WDR19: variants seen among roughly 807,000 people sequenced by gnomAD.
WDR19 encodes WD repeat-containing protein 19.
Under a neutral mutation model 180.0 loss-of-function variants are expected in WDR19, and 121 were observed. The ratio of observed to expected loss-of-function variants is 0.67; its 90% CI spans 0.58 to 0.78. The LOEUF is 0.78. WDR19 is among the 30% of genes least tolerant of loss of function. The pLI is 0.00. For missense variants in WDR19, 1,450 were observed against 1,640.7 expected (o/e 0.88, Z 2.01); for synonymous variants, 497 against 540.7 (o/e 0.92, Z 1.12).
intron 24 of WDR19, among the ~76,000 whole-genome samples, chr4:39,246,055 A>G (rs1732486668): frequency 2.6e-5 from 4 of 152,276 alleles, no homozygotes. Flanking sequence ...GCGCCAGAGG[A>G]GGAAACACAA....
intron 30 of WDR19, 80 bp from the exon 31 acceptor site, chr4:39,269,896 C>T: frequency 6.5e-7 from 1 of 1,530,558 alleles, no homozygotes. Flanking sequence ...TTAACAAAAT[C>T]CACTAGTAAG....
chr4:39,196,840 A>C (rs1726792906), intron 5 of WDR19, among the ~76,000 whole-genome samples: 1 of 152,194 alleles, frequency 6.6e-6, no homozygotes, highest in African/African-American at 2.4e-5. Flanking sequence ...TGTCTGCTCC[A>C]ACCACATTGT....
intron 36 of WDR19, among the ~76,000 whole-genome samples, chr4:39,281,228 T>TAGAGAGAGAGAG (rs1437561762): frequency 8.1e-5 from 8 of 98,782 alleles, no homozygotes; most frequent in African/African-American, 1.6e-4. Context: ...TATATATATA[T>TAGAGAGAGAGAG]ATATATATAG....
intron 24 of WDR19, among the ~76,000 whole-genome samples, chr4:39,249,475 G>A (rs1732906570): frequency 6.6e-6 from 1 of 152,002 alleles, no homozygotes; most frequent in South Asian, 2.1e-4. Flanking sequence ...GCTAGCAGAA[G>A]GCAAGAAATA....
chr4:39,185,791 A>C lies in WDR19; in HGVS notation c.72A>C (p.Thr24=). 1.3e-6 allele frequency: 2 copies of C among 1,557,016 alleles called. No homozygotes were observed. Among genetic ancestry groups the C allele is most frequent in the Non-Finnish European group, 1.7e-6 (2 of 1,149,382 alleles). The part of the protein sequence containing the change: ...GAPIQFAWQK[T]SGNYLAVTGA... ...CAATACAGTTTGCCTGGCAAAAAAC[A>C]TCAGGAAACTACCTTGCAGTAACAG... Residue 24 remains threonine, a synonymous_variant, in exon 2 of 37, where the codon ACA becomes ACC. Coordinates refer to ENST00000399820, the MANE Select transcript of WDR19 (RefSeq NM_025132.4).
At position 39,224,638 on chromosome 4, in the gene WDR19, C is replaced by T. The variant is rs529868207; in HGVS notation, c.1480-246C>T. On this transcript the variant is annotated intron_variant, in intron 14 of 36. Coordinates refer to ENST00000399820, the MANE Select transcript of WDR19 (RefSeq NM_025132.4). ...GTCTCGAATTCCTTACCTTGTGATC[C>T]GCCCGTCGTGGGCTCCCAAAGTGCT... Among the ~76,000 whole-genome samples the T allele has an allele frequency of 1.6e-4, 25 of 152,218 alleles. No individual in the cohort carries two copies. The South Asian group carries it at 5.0e-3, about 30-fold the overall frequency.
chr4:39,217,113 G>A (rs758446476), intron 12 of WDR19, 21 bp from the exon 13 acceptor site: 41 of 1,541,636 alleles, frequency 2.7e-5, no homozygotes, highest in Middle Eastern at 1.7e-4. Context: ...TTAATGTGTT[G>A]GTTTTTAAAA....
At chr4:39,213,535 CAAAG>C (rs1297936343) in intron 9 of WDR19, among the ~76,000 whole-genome samples, 1 of 152,112 alleles carries the variant, frequency 6.6e-6, no homozygotes, top group Non-Finnish European at 1.5e-5. Context: ...ATTATAAAAA[CAAAG>C]AACAGATTAG....
chr4:39,220,806 C>G (rs537484122), intron 14 of WDR19, among the ~76,000 whole-genome samples: 110 of 149,664 alleles, frequency 7.3e-4, no homozygotes, highest in Non-Finnish European at 7.6e-4. Flanking sequence ...CCGTGCCCAG[C>G]TGAAACATTT....
chr4:39,247,543 G>T (rs1732661247), intron 24 of WDR19, among the ~76,000 whole-genome samples: 2 of 152,092 alleles, frequency 1.3e-5, no homozygotes, highest in Admixed American at 6.6e-5. Flanking sequence ...GGCTTCAGAA[G>T]ATCAAACTAC....
At chr4:39,234,967 G>T in intron 20 of WDR19, 92 bp downstream of exon 20, 3 of 699,932 alleles carry the variant, frequency 4.3e-6, no homozygotes, top group Admixed American at 2.9e-5. Flanking sequence ...GCCCTCCATT[G>T]ATTTAATAAT....
intron 28 of WDR19, among the ~76,000 whole-genome samples, chr4:39,265,357 C>T (rs1734685204): frequency 6.6e-6 from 1 of 152,108 alleles, no homozygotes; most frequent in Admixed American, 6.6e-5. Flanking sequence ...TGTAGTCATG[C>T]GCAAGTACAT....
At chr4:39,282,586 T>TG (rs1736659784) in intron 36 of WDR19, among the ~76,000 whole-genome samples, 1 of 152,024 alleles carries the variant, frequency 6.6e-6, no homozygotes, top group Admixed American at 6.6e-5. Context: ...TTATTAGAGA[T>TG]GGGGTTTCAC....
intron 19 of WDR19, among the ~76,000 whole-genome samples, chr4:39,233,984 A>G (rs545887968): frequency 2.0e-5 from 3 of 152,298 alleles, no homozygotes; most frequent in East Asian, 1.9e-4. Flanking sequence ...GCAGAGCCCT[A>G]CTGCCCAGCT....
Position 39,186,599 on chromosome 4 carries a change from A to AG in WDR19, c.159_160insG (p.Pro54AlafsTer3). 2 of 1,577,292 alleles carry AG rather than the reference A, an allele frequency of 1.3e-6. No individual in the cohort carries two copies. The highest frequency in any genetic ancestry group is 3.7e-5 in the Admixed American group (2 of 54,288). ...GTCAAAAAAGAAGTGAAATTAACTT[A>AG]CCTGGGTAAGTACAGAAGTAGATTT... On this transcript the variant is annotated frameshift_variant, in exon 3 of 37. Transcript: ENST00000399820. LOFTEE classifies it high-confidence loss of function.
intron 36 of WDR19, among the ~76,000 whole-genome samples, chr4:39,280,299 T>G (rs564738142): frequency 1.3e-5 from 2 of 152,060 alleles, no homozygotes; most frequent in Non-Finnish European, 2.9e-5. Flanking sequence ...TTTATTTTGA[T>G]GAAGTCCAAT....
intron 19 of WDR19, among the ~76,000 whole-genome samples, chr4:39,234,003 T>C (rs1202025253): frequency 6.6e-6 from 1 of 152,196 alleles, no homozygotes; most frequent in African/African-American, 2.4e-5. Flanking sequence ...CTCTGTCATG[T>C]ACCAGCTGTG....
At chr4:39,281,015 G>T (rs1170742102) in intron 36 of WDR19, among the ~76,000 whole-genome samples, 1 of 151,968 alleles carries the variant, frequency 6.6e-6, no homozygotes, top group Non-Finnish European at 1.5e-5. Flanking sequence ...TTGTCTATTT[G>T]AGATGTAAGT....
In WDR19 at chr4:39,228,506, G is replaced by A. The variant is rs1730517967; in HGVS notation, c.1798G>A (p.Gly600Ser). The change falls in exon 17 of 37, where the codon GGT becomes AGT. Residue 600 changes from glycine to serine, a missense_variant. Physicochemically the swap from Gly to Ser is moderately conservative, Grantham distance 56 (BLOSUM62 0). Coordinates refer to ENST00000399820, the MANE Select transcript of WDR19 (RefSeq NM_025132.4). ...TIQGAKVILA[G>S]STKVPFAHKP... is the part of the protein sequence containing the mutation. The stretch of plus-strand genomic sequence containing the variant: ...TGTAGGAGCCAAGGTTATTTTGGCT[G>A]GTAGCACCAAAGTTCCTTTTGCTCA... 6.2e-7 allele frequency: 1 copy of A among 1,613,716 alleles called. No individual in the cohort carries two copies. The highest frequency in any genetic ancestry group is 1.7e-5 in the Admixed American group (1 of 59,986).
Sources: gnomAD v4.1 joint callset for allele counts (sites outside exome capture counted in the v4.1 genomes callset) on GRCh38, gnomAD v4.1.1 for gene constraint, MANE v1.5 for transcripts, NCBI Gene and HGNC (gene_info 2026-07-23, HGNC 2026-07-21) for gene names.